Variants in RUBCNL observed in about 807,000 individuals in gnomAD.
RUBCNL encodes the protein protein associated with UVRAG as autophagy enhancer.
Under a neutral mutation model 69.5 loss-of-function variants are expected in RUBCNL, and 62 were observed. The ratio of observed to expected loss-of-function variants is 0.89; its 90% CI spans 0.73 to 1.10. RUBCNL has a LOEUF of 1.10. Ranked by LOEUF, RUBCNL falls within the 50% of genes least tolerant of loss-of-function variation. The probability of loss-of-function intolerance (pLI) is 0.00; values close to 1 mark genes in which losing one functional copy is unlikely to be tolerated. For synonymous variants in RUBCNL, 291 were observed against 303.6 expected, an observed-to-expected ratio of 0.96 and a Z score of 0.43; for missense variants, 768 against 798.1, an observed-to-expected ratio of 0.96 and a Z score of 0.45.
intron 2 of RUBCNL, chr13:46,374,728 C>T (rs2048952242): frequency 6.6e-6 from 1 of 152,260 alleles, no homozygotes; most frequent in Non-Finnish European, 1.5e-5. Context: ...CTTACCTTGC[C>T]CTCAAGGCCT....
intron 1 of RUBCNL, 86 bp from the exon 2 acceptor site, chr13:46,378,091 T>C (rs2049036833): frequency 1.5e-6 from 1 of 685,462 alleles, no homozygotes; most frequent in Non-Finnish European, 2.3e-6. Context: ...AGTGTGTTAG[T>C]TATTCAGTTA....
intron 10 of RUBCNL, among the ~76,000 whole-genome samples, chr13:46,355,480 T>G (rs765298322): frequency 4.6e-5 from 7 of 152,090 alleles, no homozygotes; most frequent in Non-Finnish European, 8.8e-5. Context: ...GTATTTTTAG[T>G]AGAGATGTGG....
chr13:46,375,473 C>T (rs1001969755), intron 2 of RUBCNL, among the ~76,000 whole-genome samples: 3 of 152,120 alleles, frequency 2.0e-5, no homozygotes, highest in Non-Finnish European at 4.4e-5. Flanking sequence ...GCGGAGGTTG[C>T]AGTGAGACAA....
chr13:46,379,807 C>T (rs999394394), intron 1 of RUBCNL, among the ~76,000 whole-genome samples: 1 of 152,170 alleles, frequency 6.6e-6, no homozygotes, highest in Non-Finnish European at 1.5e-5. Flanking sequence ...ACCACAGTTC[C>T]CCAGAACTTC....
In RUBCNL at chr13:46,368,727, A is replaced by G. The variant is rs1345632011; in HGVS notation, c.618+6T>C. ...TATGGTTAAAAAGAAAGAAGATAGCATTCACCTTTTCTACATCAACAGGCA... is the reference window on the plus strand; with the variant it reads ...TATGGTTAAAAAGAAAGAAGATAGCGTTCACCTTTTCTACATCAACAGGCA... On this transcript the variant is annotated splice_donor_region_variant and intron_variant, in intron 4 of 14. Coordinates refer to ENST00000429979, the MANE Select transcript of RUBCNL (RefSeq NM_025113.5). 2 of 1,608,506 alleles carry G rather than the reference A, an allele frequency of 1.2e-6. No individual in the cohort carries two copies. The highest frequency in any genetic ancestry group is 2.7e-5 in the African/African-American group (2 of 74,738).
chr13:46,368,957 G>C (rs1479871603), intron 3 of RUBCNL, 142 bp from the exon 4 acceptor site: 1 of 648,232 alleles, frequency 1.5e-6, no homozygotes, highest in Admixed American at 2.9e-5. Flanking sequence ...GACAGGAAAA[G>C]AAAGATCTTT....
upstream of RUBCNL, among the ~76,000 whole-genome samples, chr13:46,388,708 C>T (rs895072135): frequency 1.3e-5 from 2 of 152,120 alleles, no homozygotes; most frequent in African/African-American, 4.8e-5. Context: ...TGCATAAAAC[C>T]AAATCCCGTT....
intron 10 of RUBCNL, among the ~76,000 whole-genome samples, chr13:46,354,395 C>T (rs2048437314): frequency 6.6e-6 from 1 of 152,116 alleles, no homozygotes; most frequent in East Asian, 1.9e-4. Context: ...TCTCTCTACT[C>T]TTTTTGCAAC....
chr13:46,354,758 C>T (rs1347824731), intron 10 of RUBCNL: 5 of 456,566 alleles, frequency 1.1e-5, no homozygotes, highest in Non-Finnish European at 2.2e-5. Context: ...GTTACATACA[C>T]TTACTTGGCT....
At chr13:46,359,465 C>G in intron 9 of RUBCNL, 21 bp downstream of exon 9, 1 of 1,598,564 alleles carries the variant, frequency 6.3e-7, no homozygotes, top group Non-Finnish European at 8.5e-7. Flanking sequence ...ATTGGAGGCC[C>G]AAGCAACAGC....
intron 12 of RUBCNL, among the ~76,000 whole-genome samples, chr13:46,347,346 G>A (rs1378327859): frequency 6.6e-6 from 1 of 152,164 alleles, no homozygotes; most frequent in East Asian, 1.9e-4. Flanking sequence ...GGCAGAGGCT[G>A]CAGTGAGCCA....
chr13:46,361,078 A>G (rs1838796121), intron 8 of RUBCNL, among the ~76,000 whole-genome samples: 1 of 152,206 alleles, frequency 6.6e-6, no homozygotes, highest in Non-Finnish European at 1.5e-5. Flanking sequence ...CAAAAAAGTT[A>G]GCTGGGCGTG....
Position 46,343,134 on chromosome 13 carries a change from A to C in RUBCNL, c.*251T>G. The stretch of plus-strand genomic sequence containing the variant: ...TAACTATTCAAATACAAAAGTATAA[A>C]AAACCTCTTTAAAAAACCAATAGCA... On this transcript the variant is annotated 3_prime_UTR_variant, in exon 15 of 15. Transcript: ENST00000429979. 1 of 571,836 alleles carries C rather than the reference A, an allele frequency of 1.7e-6. No homozygotes were observed. Among genetic ancestry groups the C allele is most frequent in the East Asian group, 2.9e-5 (1 of 34,110 alleles). The allele number at this position is 571,836 out of a possible 1,614,324, so 35.4% of individuals were successfully genotyped here. A position where few individuals can be genotyped will look rare whatever the true frequency, so the allele number is the denominator to read the frequency against.
intron 12 of RUBCNL, among the ~76,000 whole-genome samples, chr13:46,347,208 C>T (rs1332447012): frequency 6.6e-6 from 1 of 152,004 alleles, no homozygotes; most frequent in Non-Finnish European, 1.5e-5. Flanking sequence ...GAGTTTAAGA[C>T]CAGCCTGGCC....
At chr13:46,387,470 T>TG (rs1300032690), upstream of RUBCNL, 1 of 985,356 alleles carries the variant, frequency 1.0e-6, no homozygotes, top group Non-Finnish European at 1.2e-6. Flanking sequence ...CACGCACCTA[T>TG]GCGCGCCTCT....
intron 5 of RUBCNL, among the ~76,000 whole-genome samples, chr13:46,367,347 T>A (rs259705): frequency 6.6e-6 from 1 of 151,814 alleles, no homozygotes. Context: ...CATTACTGAA[T>A]GAAAAAAAGA....
chr13:46,360,637 C>A (rs527985897), intron 8 of RUBCNL, among the ~76,000 whole-genome samples: 1 of 152,322 alleles, frequency 6.6e-6, no homozygotes, highest in African/African-American at 2.4e-5. Flanking sequence ...TGCAGTCAGC[C>A]TTCCTAAGTT....
intron 14 of RUBCNL, among the ~76,000 whole-genome samples, chr13:46,344,474 C>A (rs1355259327): frequency 6.6e-6 from 1 of 152,126 alleles, no homozygotes; most frequent in African/African-American, 2.4e-5. Context: ...GCACAGGCAA[C>A]AAAGGGACCA....
intron 5 of RUBCNL, among the ~76,000 whole-genome samples, chr13:46,365,675 G>GC (rs1395079442): frequency 6.6e-6 from 1 of 152,182 alleles, no homozygotes; most frequent in Non-Finnish European, 1.5e-5. Context: ...ATGTCTGCCA[G>GC]CAACTATACA....
Sources: allele counts gnomAD v4.1 joint callset (sites outside exome capture counted in the v4.1 genomes callset), GRCh38; gene constraint gnomAD v4.1.1; transcripts MANE v1.5; gene names NCBI Gene and HGNC (gene_info 2026-07-23, HGNC 2026-07-21).